FHOD3: variants seen among roughly 807,000 people sequenced by gnomAD.
FHOD3 encodes formin homology 2 domain containing 3, also known as FH1/FH2 domain-containing protein 3.
Under a neutral mutation model 173.0 loss-of-function variants are expected in FHOD3, and 90 were observed. That is an observed-to-expected ratio of 0.52 (90% CI 0.44 to 0.62). FHOD3 has a LOEUF of 0.62. FHOD3 is among the 20% of genes least tolerant of loss of function. FHOD3 has a pLI of 0.00. For missense variants in FHOD3, 1,945 were observed against 2,034.7 expected (o/e 0.96, Z 0.85); for synonymous variants, 828 against 823.0 (o/e 1.01, Z -0.10).
chr18:36,311,189 C>A (rs557252149), intron 1 of FHOD3, among the ~76,000 whole-genome samples: 3 of 145,840 alleles, frequency 2.1e-5, no homozygotes, highest in Middle Eastern at 3.4e-3. Flanking sequence ...GAGACAGGGA[C>A]AAGCCTCAGG....
chr18:36,511,171 C>G lies in FHOD3; in HGVS notation c.406-1267C>G, dbSNP rs56119539. ...ATCACTGAGGTTTTTTATTTTTGCCCTGTTGTGATCATTTAAGATGAATGT... is the reference window on the plus strand; with the variant it reads ...ATCACTGAGGTTTTTTATTTTTGCCGTGTTGTGATCATTTAAGATGAATGT... On this transcript the variant is annotated intron_variant, in intron 4 of 28. Transcript: ENST00000590592. Among the ~76,000 whole-genome samples the G allele has an allele frequency of 8.3e-3, 1,258 of 151,878 alleles. 25 individuals carry two copies. The highest frequency in any genetic ancestry group is 0.072 in the South Asian group (347 of 4,816).
intron 5 of FHOD3, among the ~76,000 whole-genome samples, chr18:36,547,603 AAC>A: frequency 6.6e-6 from 1 of 152,270 alleles, no homozygotes; most frequent in Middle Eastern, 3.4e-3. Flanking sequence ...AAGGACAAGG[AAC>A]ATAAGCATTT....
intron 3 of FHOD3, among the ~76,000 whole-genome samples, chr18:36,474,785 C>T (rs937561783): frequency 2.0e-5 from 3 of 152,076 alleles, no homozygotes; most frequent in Non-Finnish European, 1.5e-5. Context: ...TTCACAGAGC[C>T]AAGAAGCCCC....
At chr18:36,509,729 T>TA (rs369010927) in intron 4 of FHOD3, among the ~76,000 whole-genome samples, 5 of 152,242 alleles carry the variant, frequency 3.3e-5, no homozygotes, top group African/African-American at 1.2e-4. Flanking sequence ...TGTATATGTT[T>TA]AAAGTTCTCT....
intron 1 of FHOD3, among the ~76,000 whole-genome samples, chr18:36,329,246 C>T (rs1222304486): frequency 6.6e-6 from 1 of 152,188 alleles, no homozygotes; most frequent in Non-Finnish European, 1.5e-5. Context: ...GCACCACCCA[C>T]AGAAGAGTAC....
intron 5 of FHOD3, among the ~76,000 whole-genome samples, chr18:36,533,782 C>T (rs1254736550): frequency 2.0e-5 from 3 of 152,026 alleles, no homozygotes; most frequent in African/African-American, 4.8e-5. Flanking sequence ...AGAGGCTCCC[C>T]GAGGTATGTT....
chr18:36,355,813 G>A lies in FHOD3; in HGVS notation c.272+168G>A, dbSNP rs561327739. 5.3e-5 allele frequency among the ~76,000 whole-genome samples: 8 copies of A among 152,324 alleles called. No individual in the cohort carries two copies. In the South Asian group the frequency reaches 1.2e-3, roughly 24 times the overall value. On this transcript the variant is annotated intron_variant, in intron 2 of 28. Transcript: ENST00000590592. ...ACTCATCAGTGGTGACTGCAGACCCGTTTCCATTTTGAGTAACTTTTCTTG... is the reference window on the plus strand; with the variant it reads ...ACTCATCAGTGGTGACTGCAGACCCATTTCCATTTTGAGTAACTTTTCTTG...
chr18:36,554,611 T>C (rs1245159914), intron 5 of FHOD3, among the ~76,000 whole-genome samples: 1 of 152,222 alleles, frequency 6.6e-6, no homozygotes, highest in Non-Finnish European at 1.5e-5. Flanking sequence ...TGTGCACATG[T>C]ACCCTAGAAC....
At chr18:36,672,000 T>TAG (rs1339397179) in intron 14 of FHOD3, among the ~76,000 whole-genome samples, 1 of 152,000 alleles carries the variant, frequency 6.6e-6, no homozygotes, top group African/African-American at 2.4e-5. Flanking sequence ...AGAACTTGGG[T>TAG]AGAGAGGAAG....
At chr18:36,526,369 T>A (rs1443313108) in intron 5 of FHOD3, among the ~76,000 whole-genome samples, 1 of 152,264 alleles carries the variant, frequency 6.6e-6, no homozygotes, top group East Asian at 1.9e-4. Flanking sequence ...GTATCATTTA[T>A]TTCAAAGATA....
chr18:36,563,454 T>C (rs559215873), intron 5 of FHOD3, among the ~76,000 whole-genome samples: 5 of 152,342 alleles, frequency 3.3e-5, no homozygotes, highest in African/African-American at 1.2e-4. Flanking sequence ...GTCTCTCAGA[T>C]GATACCATTG....
intron 1 of FHOD3, among the ~76,000 whole-genome samples, chr18:36,355,331 C>G (rs1271631163): frequency 6.6e-6 from 1 of 152,208 alleles, no homozygotes. Flanking sequence ...GTCGATGTCA[C>G]TCTGTTAAGA....
intron 3 of FHOD3, among the ~76,000 whole-genome samples, chr18:36,475,161 G>A (rs554723988): frequency 6.6e-6 from 1 of 152,236 alleles, no homozygotes; most frequent in African/African-American, 2.4e-5. Context: ...TCCTGGCAGT[G>A]TTACTGCCTA....
At chr18:36,717,755 A>AC (rs2040538482) in intron 18 of FHOD3, 77 bp from the exon 19 acceptor site, 1 of 1,507,916 alleles carries the variant, frequency 6.6e-7, no homozygotes, top group Non-Finnish European at 8.9e-7. Context: ...TGTCAGGCTC[A>AC]CTTATTCTCA....
intron 1 of FHOD3, among the ~76,000 whole-genome samples, chr18:36,339,116 T>A (rs1287252337): frequency 6.6e-6 from 1 of 152,086 alleles, no homozygotes; most frequent in Non-Finnish European, 1.5e-5. Flanking sequence ...TGGTAGGAAA[T>A]GTGCCATGTC....
intron 3 of FHOD3, among the ~76,000 whole-genome samples, chr18:36,466,155 T>C (rs1334978517): frequency 6.6e-6 from 1 of 152,270 alleles, no homozygotes; most frequent in East Asian, 1.9e-4. Flanking sequence ...ATGACTTCAG[T>C]CCATGTTATC....
At chr18:36,697,656 T>C (rs988830756) in intron 17 of FHOD3, among the ~76,000 whole-genome samples, 1 of 152,232 alleles carries the variant, frequency 6.6e-6, no homozygotes, top group African/African-American at 2.4e-5. Flanking sequence ...ACGGCCTATA[T>C]GGCCATGGCC....
chr18:36,511,885 C>T (rs2146317651), intron 4 of FHOD3, among the ~76,000 whole-genome samples: 1 of 152,304 alleles, frequency 6.6e-6, no homozygotes, highest in East Asian at 1.9e-4. Context: ...AATGTCCAAC[C>T]CTGCACCCTG....
intron 7 of FHOD3, among the ~76,000 whole-genome samples, chr18:36,601,219 T>G (rs2031333702): frequency 6.6e-6 from 1 of 152,200 alleles, no homozygotes; most frequent in Non-Finnish European, 1.5e-5. Context: ...TCATAGAAGA[T>G]TGCCCAGTTC....
Sources: allele counts gnomAD v4.1 joint callset (sites outside exome capture counted in the v4.1 genomes callset), GRCh38; gene constraint gnomAD v4.1.1; transcripts MANE v1.5; gene names NCBI Gene and HGNC (gene_info 2026-07-23, HGNC 2026-07-21).